Variants in KALRN observed in about 807,000 individuals in gnomAD.
KALRN encodes kalirin.
Under a neutral mutation model 353.7 loss-of-function variants are expected in KALRN, and 70 were observed. That is an observed-to-expected ratio of 0.20 (90% CI 0.16 to 0.24). KALRN has a LOEUF of 0.24. Ranked by LOEUF, KALRN falls within the 10% of genes least tolerant of loss-of-function variation. KALRN has a pLI of 1.00. For synonymous variants in KALRN, 1,391 were observed against 1,434.8 expected, an observed-to-expected ratio of 0.97 and a Z score of 0.69; for missense variants, 2,791 against 3,756.7, an observed-to-expected ratio of 0.74 and a Z score of 6.72.
chr3:124,036,877 T>G (rs752047859), intron 1 of KALRN, among the ~76,000 whole-genome samples: 1 of 152,256 alleles, frequency 6.6e-6, no homozygotes, highest in Non-Finnish European at 1.5e-5. Flanking sequence ...TTCAATCCCT[T>G]GACCAATTGG....
chr3:124,244,818 TG>T (rs1256042649), intron 3 of KALRN, among the ~76,000 whole-genome samples: 1 of 152,098 alleles, frequency 6.6e-6, no homozygotes, highest in African/African-American at 2.4e-5. Flanking sequence ...GTAGCAATCA[TG>T]GGCTTTTTTT....
At chr3:124,042,735 A>G (rs575202943) in intron 1 of KALRN, among the ~76,000 whole-genome samples, 1 of 152,102 alleles carries the variant, frequency 6.6e-6, no homozygotes, top group South Asian at 2.1e-4. Flanking sequence ...GATTTGGAGA[A>G]TTTGCTTTGG....
chr3:124,473,791 C>T (rs371049076), intron 25 of KALRN, among the ~76,000 whole-genome samples: 3 of 152,100 alleles, frequency 2.0e-5, no homozygotes, highest in Non-Finnish European at 4.4e-5. Context: ...AAAAGATAAG[C>T]GCATTCATGA....
chr3:124,127,815 T>C (rs1007193772), intron 1 of KALRN, among the ~76,000 whole-genome samples: 1 of 152,242 alleles, frequency 6.6e-6, no homozygotes, highest in Non-Finnish European at 1.5e-5. Context: ...GCTATACAAT[T>C]TCATTTCTAC....
At chr3:124,596,207 G>C (rs1201134396) in intron 34 of KALRN, among the ~76,000 whole-genome samples, 3 of 148,684 alleles carry the variant, frequency 2.0e-5, no homozygotes, top group Non-Finnish European at 4.4e-5. Context: ...AAAAGGACCA[G>C]GTGCAGTAGC....
chr3:124,399,231 C>T (rs750067598), intron 13 of KALRN, among the ~76,000 whole-genome samples: 3 of 152,144 alleles, frequency 2.0e-5, no homozygotes, highest in Admixed American at 6.5e-5. Context: ...CTCCACCTCT[C>T]GGGTTCAAGC....
chr3:124,623,430 A>C (rs965589039), intron 34 of KALRN, among the ~76,000 whole-genome samples: 6 of 151,070 alleles, frequency 4.0e-5, no homozygotes, highest in African/African-American at 1.5e-4. Flanking sequence ...ACACACACAA[A>C]AGGGAGTTTA....
chr3:124,404,655 T>C (rs1005788890), intron 13 of KALRN, among the ~76,000 whole-genome samples: 6 of 137,262 alleles, frequency 4.4e-5, no homozygotes, highest in African/African-American at 1.6e-4. Flanking sequence ...TTAGTCTTTT[T>C]CTTTTTTTTT....
intron 13 of KALRN, among the ~76,000 whole-genome samples, chr3:124,400,326 A>G (rs891710939): frequency 2.6e-5 from 4 of 152,174 alleles, no homozygotes; most frequent in Admixed American, 2.0e-4. Flanking sequence ...TTACAAGCAC[A>G]TCTGTACTCC....
intron 5 of KALRN, among the ~76,000 whole-genome samples, chr3:124,290,988 G>A (rs1243122602): frequency 6.6e-6 from 1 of 152,194 alleles, no homozygotes; most frequent in Non-Finnish European, 1.5e-5. Flanking sequence ...CTACCAGGGA[G>A]TCTTCTTAGG....
Position 124,083,660 on chromosome 3 carries a change from G to A in KALRN, c.73+49847G>A, listed in dbSNP as rs76313086. On this transcript the variant is annotated intron_variant, in intron 1 of 59. Transcript: ENST00000682506. ...CACAAAGAAGTTTAGTAATTTGCCC[G>A]ATCTTACACAACTGTTAGAATTGGC... is the stretch of plus-strand genomic sequence containing the variant. Among the ~76,000 whole-genome samples, 55 of 152,314 alleles carry A rather than the reference G, an allele frequency of 3.6e-4. No homozygotes were observed. In the East Asian group the frequency reaches 7.7e-3, roughly 21 times the overall value.
chr3:124,412,120 C>A (rs2150249731), intron 13 of KALRN, among the ~76,000 whole-genome samples: 1 of 152,332 alleles, frequency 6.6e-6, no homozygotes, highest in East Asian at 1.9e-4. Context: ...CAGACAGCAG[C>A]CCCTTGTGAG....
intron 1 of KALRN, among the ~76,000 whole-genome samples, chr3:124,101,187 T>C (rs1405246504): frequency 2.6e-5 from 4 of 152,178 alleles, no homozygotes; most frequent in Non-Finnish European, 4.4e-5. Context: ...AGAAAAGCAA[T>C]TGACCTGTGT....
At chr3:124,558,340 T>A (rs2071536564) in intron 33 of KALRN, among the ~76,000 whole-genome samples, 1 of 152,146 alleles carries the variant, frequency 6.6e-6, no homozygotes, top group Non-Finnish European at 1.5e-5. Flanking sequence ...TGCAATGGCA[T>A]GATCTCGGCT....
At chr3:124,109,526 G>A (rs1274382556) in intron 1 of KALRN, among the ~76,000 whole-genome samples, 4 of 151,806 alleles carry the variant, frequency 2.6e-5, no homozygotes, top group African/African-American at 9.7e-5. Flanking sequence ...TGAGCATTGA[G>A]CATAGTAAGC....
At chr3:124,311,952 A>G (rs2078308336) in intron 6 of KALRN, among the ~76,000 whole-genome samples, 1 of 152,208 alleles carries the variant, frequency 6.6e-6, no homozygotes, top group South Asian at 2.1e-4. Context: ...AGAATAGGCA[A>G]ACCTTTAAAG....
intron 6 of KALRN, among the ~76,000 whole-genome samples, chr3:124,324,429 A>G (rs923297145): frequency 2.0e-5 from 3 of 152,162 alleles, no homozygotes; most frequent in African/African-American, 7.2e-5. Context: ...ATAGAGTTTA[A>G]TTTTCAGTAG....
At chr3:124,590,695 T>C (rs2075684821) in intron 34 of KALRN, among the ~76,000 whole-genome samples, 1 of 152,068 alleles carries the variant, frequency 6.6e-6, no homozygotes, top group Admixed American at 6.5e-5. Context: ...TTTCAGTGAG[T>C]AGCACATCCT....
chr3:124,596,489 C>A (rs333253), intron 34 of KALRN, among the ~76,000 whole-genome samples: 60,916 of 151,848 alleles, frequency 0.4, 13,632 homozygotes, highest in African/African-American at 0.61. Flanking sequence ...AACAAAAAAA[C>A]CCCACAATAG....
Sources: allele counts gnomAD v4.1 joint callset (sites outside exome capture counted in the v4.1 genomes callset), GRCh38; gene constraint gnomAD v4.1.1; transcripts MANE v1.5; gene names NCBI Gene and HGNC (gene_info 2026-07-23, HGNC 2026-07-21).